Variants in ZNF79 observed in about 807,000 individuals in gnomAD.
The protein encoded by ZNF79 is zinc finger protein 79, also known as ZNFpT7.
Under a neutral mutation model 14.9 loss-of-function variants are expected in ZNF79, and 13 were observed. The ratio of observed to expected loss-of-function variants is 0.87; its 90% CI spans 0.57 to 1.38. The LOEUF is 1.38. ZNF79 is among the 40% of genes most tolerant of loss of function. ZNF79 has a pLI of 0.00. For synonymous variants in ZNF79, 223 were observed against 235.1 expected (o/e 0.95, Z 0.47); for missense variants, 631 against 630.6 (o/e 1.00, Z -0.01).
chr9:127,429,864 C>T (rs1033645225), intron 2 of ZNF79, among the ~76,000 whole-genome samples: 2 of 150,682 alleles, frequency 1.3e-5, no homozygotes. Flanking sequence ...TCACCCAGGC[C>T]GGAGTGCAGT....
chr9:127,433,156 G>A (rs561174034), intron 2 of ZNF79, among the ~76,000 whole-genome samples: 201 of 152,258 alleles, frequency 1.3e-3, no homozygotes, highest in African/African-American at 4.7e-3. Context: ...GAATGGATTG[G>A]AAGAGCAGGT....
chr9:127,441,135 C>T (rs918852691), intron 4 of ZNF79, among the ~76,000 whole-genome samples: 9 of 151,938 alleles, frequency 5.9e-5, no homozygotes, highest in Non-Finnish European at 1.0e-4. Context: ...AACTGTCAAA[C>T]CCATAGATGA....
intron 4 of ZNF79, among the ~76,000 whole-genome samples, chr9:127,440,210 G>A (rs561173975): frequency 6.6e-6 from 1 of 152,180 alleles, no homozygotes; most frequent in African/African-American, 2.4e-5. Context: ...AAATAAAGCT[G>A]CGCAAGGGAT....
intron 2 of ZNF79, among the ~76,000 whole-genome samples, chr9:127,434,742 G>A (rs193257784): frequency 1.3e-5 from 2 of 152,222 alleles, no homozygotes; most frequent in Non-Finnish European, 2.9e-5. Context: ...TCTGCCTCCC[G>A]GGTTCAAGCA....
In ZNF79 at chr9:127,444,362, A is replaced by G. The variant is rs942431145; in HGVS notation, c.662A>G (p.Tyr221Cys). 6.2e-6 allele frequency: 10 copies of G among 1,613,176 alleles called. No individual in the cohort carries two copies. The highest frequency in any genetic ancestry group is 1.3e-5 in the African/African-American group (1 of 74,946). Residue 221 changes from tyrosine (Y) to cysteine (C), a missense_variant, in exon 5 of 5, where the codon TAT becomes TGT. Transcript: ENST00000342483. Reference protein sequence around the residue: ...HQKSHTGEKPYECSECGKAFS... With the variant: ...HQKSHTGEKPCECSECGKAFS... Reference sequence around the variant, plus strand: ...AAGAGCCACACTGGAGAGAAGCCCTATGAGTGCAGTGAATGTGGGAAGGCC... The same window carrying G: ...AAGAGCCACACTGGAGAGAAGCCCTGTGAGTGCAGTGAATGTGGGAAGGCC...
chr9:127,425,711 G>A (rs1233906963), intron 1 of ZNF79, among the ~76,000 whole-genome samples: 2 of 152,202 alleles, frequency 1.3e-5, no homozygotes, highest in Non-Finnish European at 2.9e-5. Flanking sequence ...TCCTGCCTCA[G>A]CCTCCTGAGT....
chr9:127,444,835 C>T lies in ZNF79; in HGVS notation c.1135C>T (p.His379Tyr). 6.2e-7 allele frequency: 1 copy of T among 1,613,888 alleles called. No individual in the cohort carries two copies. The highest frequency in any genetic ancestry group is 1.1e-5 in the South Asian group (1 of 91,080). The change falls in exon 5 of 5, where the codon CAT (histidine) becomes TAT (tyrosine). Residue 379 changes from histidine to tyrosine, a missense_variant. Physicochemically the swap from His to Tyr is moderately conservative, Grantham distance 83. Coordinates refer to ENST00000342483, the MANE Select transcript of ZNF79 (RefSeq NM_007135.3). ...AFSQSANLTNHQRTHTGEKPY... is the reference protein window; with the variant it reads ...AFSQSANLTNYQRTHTGEKPY... ...CAGCCAGAGTGCAAACCTCACAAAC[C>T]ATCAGAGGACTCACACTGGGGAGAA...
chr9:127,426,494 C>T (rs1355874344), intron 1 of ZNF79, among the ~76,000 whole-genome samples: 1 of 152,042 alleles, frequency 6.6e-6, no homozygotes, highest in Non-Finnish European at 1.5e-5. Context: ...CCTGCCTCAG[C>T]CTCCCGAGTA....
chr9:127,428,640 C>G, intron 1 of ZNF79, 192 bp from the exon 2 acceptor site: 1 of 1,215,954 alleles, frequency 8.2e-7, no homozygotes, highest in Non-Finnish European at 1.0e-6. Context: ...TGTGAACACT[C>G]TAATGCCTCC....
At chr9:127,432,606 T>G (rs1320821597) in intron 2 of ZNF79, among the ~76,000 whole-genome samples, 2 of 152,068 alleles carry the variant, frequency 1.3e-5, no homozygotes, top group Non-Finnish European at 2.9e-5. Context: ...CTGTGCTTTA[T>G]GAGGATGGAG....
At chr9:127,438,081 T>C (rs1373961138) in intron 4 of ZNF79, among the ~76,000 whole-genome samples, 4 of 152,082 alleles carry the variant, frequency 2.6e-5, no homozygotes, top group Admixed American at 6.6e-5. Flanking sequence ...CCACAACCTC[T>C]GCCCTTACGC....
chr9:127,435,870 C>T lies in ZNF79; in HGVS notation c.233-38C>T. 3 of 1,581,272 alleles carry T rather than the reference C, an allele frequency of 1.9e-6. No individual in the cohort carries two copies. The East Asian group carries it at 6.7e-5, about 35-fold the overall frequency. On this transcript the variant is annotated intron_variant, in intron 3 of 4. Coordinates refer to ENST00000342483, the MANE Select transcript of ZNF79 (RefSeq NM_007135.3). Reference sequence around the variant, plus strand: ...AGTTCTGGGTGGCTGTTCATACTTACTTACAATTTCTAAAGCCTGTTTTTT... The same window carrying T: ...AGTTCTGGGTGGCTGTTCATACTTATTTACAATTTCTAAAGCCTGTTTTTT...
In ZNF79 at chr9:127,435,282, C is replaced by T. The variant is rs1833927890; in HGVS notation, c.232+66C>T. The T allele has an allele frequency of 2.0e-6, 3 of 1,511,692 alleles. No individual in the cohort carries two copies. In the African/African-American group the frequency reaches 4.2e-5, roughly 21 times the overall value. 93.6% of individuals were successfully genotyped at this position (1,511,692 alleles called of 1,614,324 possible). ...CTGAAAATCTGTGGCACTTGCTTTC[C>T]AGCATGTAGGGGTTTCTGACTGGTG... is the stretch of plus-strand genomic sequence containing the variant. On this transcript the variant is annotated intron_variant, in intron 3 of 4. Coordinates refer to ENST00000342483, the MANE Select transcript of ZNF79 (RefSeq NM_007135.3).
At chr9:127,442,203 T>A (rs1353424500) in intron 4 of ZNF79, among the ~76,000 whole-genome samples, 1 of 151,160 alleles carries the variant, frequency 6.6e-6, no homozygotes, top group Non-Finnish European at 1.5e-5. Flanking sequence ...GAGTTTAAGA[T>A]CAGCCTGGCC....
In ZNF79 at chr9:127,445,159, G is replaced by C. The variant is rs752188799; in HGVS notation, c.1459G>C (p.Ala487Pro). 1.2e-6 allele frequency: 2 copies of C among 1,614,212 alleles called. No homozygotes were observed. The highest frequency in any genetic ancestry group is 1.7e-6 in the Non-Finnish European group (2 of 1,180,040). ...ECGKAFRCSS[A>P]FVRHQRLHAG... is the part of the protein sequence containing the mutation. The stretch of plus-strand genomic sequence containing the variant: ...TGGGAAGGCCTTCCGGTGCAGCTCT[G>C]CCTTCGTTAGACATCAGAGACTCCA... Residue 487 changes from alanine to proline, a missense_variant, in exon 5 of 5, where the codon GCC (alanine) becomes CCC (proline). By Grantham distance (27) the Ala-to-Pro change is conservative (BLOSUM62 -1). Coordinates refer to ENST00000342483, the MANE Select transcript of ZNF79 (RefSeq NM_007135.3).
At chr9:127,432,117 C>A (rs911945533) in intron 2 of ZNF79, among the ~76,000 whole-genome samples, 1 of 149,162 alleles carries the variant, frequency 6.7e-6, no homozygotes, top group Non-Finnish European at 1.5e-5. Context: ...CTTTATTAAT[C>A]TTTTGCTTCT....
chr9:127,445,034 A>G lies in ZNF79; in HGVS notation c.1334A>G (p.Tyr445Cys). The change falls in exon 5 of 5, where the codon TAT becomes TGT. Residue 445 changes from tyrosine to cysteine, a missense_variant. Transcript: ENST00000342483. ...ATAATCCACACCGGAGAAAAACCTT[A>G]TGAGTGTAATGAGTGTGGTAAAGCG... ...HHIIHTGEKP[Y>C]ECNECGKAFN... The G allele has an allele frequency of 2.5e-6, 4 of 1,614,114 alleles. No homozygotes were observed. Among genetic ancestry groups the G allele is most frequent in the Non-Finnish European group, 3.4e-6 (4 of 1,180,020 alleles).
In ZNF79 at chr9:127,444,808, T is replaced by C; in HGVS notation, c.1108T>C (p.Phe370Leu). 6.2e-7 allele frequency: 1 copy of C among 1,609,144 alleles called. No individual in the cohort carries two copies. The highest frequency in any genetic ancestry group is 8.5e-7 in the Non-Finnish European group (1 of 1,175,964). Residue 370 changes from phenylalanine to leucine, a missense_variant, in exon 5 of 5, where the codon TTC (phenylalanine) becomes CTC (leucine). Transcript: ENST00000342483. Reference protein sequence around the residue: ...PYRCAACGKAFSQSANLTNHQ... With the variant: ...PYRCAACGKALSQSANLTNHQ... Reference sequence around the variant, plus strand: ...CAGATGTGCCGCGTGTGGGAAGGCCTTCAGCCAGAGTGCAAACCTCACAAA... The same window carrying C: ...CAGATGTGCCGCGTGTGGGAAGGCCCTCAGCCAGAGTGCAAACCTCACAAA...
intron 4 of ZNF79, among the ~76,000 whole-genome samples, chr9:127,437,343 C>G (rs866995506): frequency 4.6e-5 from 7 of 151,660 alleles, no homozygotes; most frequent in Admixed American, 2.0e-4. Context: ...TCAAGGCCCC[C>G]CCCCGCTGCC....
Sources: gnomAD v4.1 joint callset for allele counts (sites outside exome capture counted in the v4.1 genomes callset) on GRCh38, gnomAD v4.1.1 for gene constraint, MANE v1.5 for transcripts, NCBI Gene and HGNC (gene_info 2026-07-23, HGNC 2026-07-21) for gene names.